The following AVL9 variants were observed in gnomAD, a reference collection of about 807,000 sequenced individuals.
AVL9 encodes late secretory pathway protein AVL9 homolog.
A neutral mutation model predicts 79.2 loss-of-function variants in AVL9; 49 were observed. That is an observed-to-expected ratio of 0.62 (90% CI 0.49 to 0.79). The LOEUF (loss-of-function observed/expected upper bound fraction) is 0.79, where lower values mean the gene tolerates loss of function less well. Among genes scored for constraint, AVL9 ranks in the 30% least tolerant of loss-of-function variants. The probability of loss-of-function intolerance (pLI) is 0.00; values close to 1 mark genes in which losing one functional copy is unlikely to be tolerated. For synonymous variants in AVL9, 299 were observed against 280.6 expected, an observed-to-expected ratio of 1.07 and a Z score of -0.65; for missense variants, 682 against 776.8, an observed-to-expected ratio of 0.88 and a Z score of 1.45.
Position 32,569,661 on chromosome 7 carries a change from G to C in AVL9, c.1216-359G>C, listed in dbSNP as rs1240268086. ...TTTTAACAGCCTTCTACTAAACAACGTACTTACTAACAGGCTTAATGCTTC... is the reference window on the plus strand; with the variant it reads ...TTTTAACAGCCTTCTACTAAACAACCTACTTACTAACAGGCTTAATGCTTC... On this transcript the variant is annotated intron_variant, in intron 10 of 15. Coordinates refer to ENST00000318709, the MANE Select transcript of AVL9 (RefSeq NM_015060.3). 8.5e-5 allele frequency among the ~76,000 whole-genome samples: 13 copies of C among 152,260 alleles called. No homozygotes were observed. The South Asian group carries it at 2.1e-3, about 24-fold the overall frequency.
chr7:32,577,559 A>G (rs1273587960), intron 13 of AVL9, among the ~76,000 whole-genome samples: 1 of 152,174 alleles, frequency 6.6e-6, no homozygotes, highest in African/African-American at 2.4e-5. Context: ...CTGGGAAGGC[A>G]GGTCGGCCTT....
At position 32,580,846 on chromosome 7, in the gene AVL9, T is replaced by C. The variant is rs1403482326; in HGVS notation, c.1787T>C (p.Met596Thr). ...SERGKKIGNV[M>T]VTTSRNVVQT... ...CGTGGCAAAAAAATTGGAAACGTCA[T>C]GGTCACAACTAGCCGGAATGTTGTA... The change falls in exon 15 of 16, where the codon ATG becomes ACG. Residue 596 changes from methionine to threonine, a missense_variant. Coordinates refer to ENST00000318709, the MANE Select transcript of AVL9 (RefSeq NM_015060.3). 1.9e-6 allele frequency: 3 copies of C among 1,613,884 alleles called. No homozygotes were observed. Among genetic ancestry groups the C allele is most frequent in the East Asian group, 2.2e-5 (1 of 44,884 alleles).
At chr7:32,506,430 G>A (rs1016296804) in intron 1 of AVL9, among the ~76,000 whole-genome samples, 1 of 152,158 alleles carries the variant, frequency 6.6e-6, no homozygotes, top group Non-Finnish European at 1.5e-5. Context: ...TGAGAGGGTA[G>A]CCTGTACAGC....
intron 11 of AVL9, 41 bp from the exon 12 acceptor site, chr7:32,573,158 G>T (rs780055277): frequency 3.1e-5 from 48 of 1,544,706 alleles, no homozygotes; most frequent in Non-Finnish European, 3.9e-5. Flanking sequence ...GGATGTCTGC[G>T]TGAATGCCCA....
At position 32,580,284 on chromosome 7, in the gene AVL9, G is replaced by C. The variant is rs375114356; in HGVS notation, c.1742+12G>C. On this transcript the variant is annotated intron_variant, in intron 14 of 15. Coordinates refer to ENST00000318709, the MANE Select transcript of AVL9 (RefSeq NM_015060.3). ...TTAAGGTTCTCACAGTAAGTACTTA[G>C]AGAAAATACTGGGAAAATTCTTAAG... 5 of 1,599,698 alleles carry C rather than the reference G, an allele frequency of 3.1e-6. No homozygotes were observed. The African/African-American group carries it at 6.7e-5, about 22-fold the overall frequency.
At chr7:32,506,548 A>G (rs1403250225) in intron 1 of AVL9, among the ~76,000 whole-genome samples, 1 of 152,172 alleles carries the variant, frequency 6.6e-6, no homozygotes, top group African/African-American at 2.4e-5. Flanking sequence ...AGACTTATGA[A>G]TTGTTTATTA....
At chr7:32,507,851 T>C (rs892221613) in intron 1 of AVL9, among the ~76,000 whole-genome samples, 7 of 152,232 alleles carry the variant, frequency 4.6e-5, no homozygotes, top group African/African-American at 1.7e-4. Context: ...CAATTAACTT[T>C]ATCACTGGTG....
At chr7:32,556,067 TACA>T (rs1790039545) in intron 8 of AVL9, among the ~76,000 whole-genome samples, 1 of 152,286 alleles carries the variant, frequency 6.6e-6, no homozygotes, top group East Asian at 1.9e-4. Flanking sequence ...AAAGTTTGTC[TACA>T]ACAAGTCAAG....
chr7:32,571,130 G>A (rs1790822687), intron 11 of AVL9, among the ~76,000 whole-genome samples: 1 of 150,650 alleles, frequency 6.6e-6, no homozygotes, highest in Admixed American at 6.6e-5. Flanking sequence ...TACTCGGGAG[G>A]GTGAGGCAGG....
intron 1 of AVL9, among the ~76,000 whole-genome samples, chr7:32,503,496 TG>T (rs1482278023): frequency 3.5e-5 from 5 of 142,350 alleles, no homozygotes; most frequent in Non-Finnish European, 7.5e-5. Flanking sequence ...AGGCAGAGGT[TG>T]CAGTGAGCTG....
chr7:32,560,394 A>G (rs533938628), intron 10 of AVL9, among the ~76,000 whole-genome samples: 1 of 152,072 alleles, frequency 6.6e-6, no homozygotes, highest in African/African-American at 2.4e-5. Flanking sequence ...CATTTCAACA[A>G]CATTCACCAC....
intron 1 of AVL9, among the ~76,000 whole-genome samples, chr7:32,516,350 CAG>C (rs138084053): frequency 0.15 from 22,688 of 152,110 alleles, 1,702 homozygotes; most frequent in East Asian, 0.18. Context: ...GTGCATTCTA[CAG>C]AGTCTTCTCC....
At chr7:32,503,222 T>A (rs969830241) in intron 1 of AVL9, among the ~76,000 whole-genome samples, 1 of 151,090 alleles carries the variant, frequency 6.6e-6, no homozygotes, top group Admixed American at 6.6e-5. Flanking sequence ...CAACTGTAAA[T>A]CCCAGCACTT....
chr7:32,528,542 T>G, intron 1 of AVL9, among the ~76,000 whole-genome samples: 1 of 152,154 alleles, frequency 6.6e-6, no homozygotes, highest in Non-Finnish European at 1.5e-5. Context: ...CAGGCCCTCT[T>G]CACCAACCCT....
rs113839949 is a variant in AVL9 at position 32,548,155 on chromosome 7, T to TGTTTTCTTTTTGTTTTTTTTG, written c.301-692_301-691insGTTTTCTTTTTGTTTTTTTTG. On this transcript the variant is annotated intron_variant, in intron 3 of 15. Coordinates refer to ENST00000318709, the MANE Select transcript of AVL9 (RefSeq NM_015060.3). ...TGTTTTTGTCATCTCTTTTTTCTTTTTTTTTTTTTTGAGACGGAGTCTCAC... is the reference window on the plus strand; with the variant it reads ...TGTTTTTGTCATCTCTTTTTTCTTTTGTTTTCTTTTTGTTTTTTTTGTTTTTTTTTTGAGACGGAGTCTCAC... Among the ~76,000 whole-genome samples the TGTTTTCTTTTTGTTTTTTTTG allele has an allele frequency of 6.9e-4, 98 of 142,976 alleles. 3 individuals carry two copies. The highest frequency in any genetic ancestry group is 3.6e-3 in the Middle Eastern group (1 of 280). 93.8% of individuals were successfully genotyped at this position (142,976 alleles called of 152,430 possible). A position where few individuals can be genotyped will look rare whatever the true frequency, so the allele number is the denominator to read the frequency against.
chr7:32,499,459 C>G (rs959578356), intron 1 of AVL9, among the ~76,000 whole-genome samples: 3 of 151,468 alleles, frequency 2.0e-5, no homozygotes, highest in African/African-American at 7.3e-5. Flanking sequence ...GAAATAATTA[C>G]TTAATTTTTG....
chr7:32,521,572 G>C (rs1010043677), intron 1 of AVL9, among the ~76,000 whole-genome samples: 1 of 152,196 alleles, frequency 6.6e-6, no homozygotes, highest in East Asian at 1.9e-4. Context: ...TTTGGATACT[G>C]TTAAAGGCAT....
At chr7:32,517,395 G>A (rs545323101) in intron 1 of AVL9, among the ~76,000 whole-genome samples, 14 of 150,286 alleles carry the variant, frequency 9.3e-5, no homozygotes, top group African/African-American at 2.0e-4. Context: ...AAACTCTGTC[G>A]CCTGAGTTCA....
At chr7:32,498,742 G>T (rs1410363034) in intron 1 of AVL9, among the ~76,000 whole-genome samples, 5 of 149,570 alleles carry the variant, frequency 3.3e-5, no homozygotes, top group African/African-American at 5.0e-5. Flanking sequence ...TGATTTTTTT[G>T]AGTTCTACCA....
Sources: allele counts gnomAD v4.1 joint callset (sites outside exome capture counted in the v4.1 genomes callset), GRCh38; gene constraint gnomAD v4.1.1; transcripts MANE v1.5; gene names NCBI Gene and HGNC (gene_info 2026-07-23, HGNC 2026-07-21).